PLEKHS1: variants seen among roughly 807,000 people sequenced by gnomAD.
PLEKHS1 encodes pleckstrin homology domain-containing family S member 1.
PLEKHS1 carries 55 observed loss-of-function variants against 51.0 expected under a neutral mutation model. The ratio of observed to expected loss-of-function variants is 1.08; its 90% CI spans 0.87 to 1.35. The LOEUF (loss-of-function observed/expected upper bound fraction) is 1.35, where lower values mean the gene tolerates loss of function less well. Ranked by LOEUF, PLEKHS1 falls within the 40% of genes most tolerant of loss-of-function variation. The pLI is 0.00. For missense variants in PLEKHS1, 398 were observed against 423.0 expected (o/e 0.94, Z 0.52); for synonymous variants, 153 against 144.8 (o/e 1.06, Z -0.41).
intron 2 of PLEKHS1, among the ~76,000 whole-genome samples, chr10:113,763,401 G>A (rs977416974): frequency 2.0e-5 from 3 of 151,994 alleles, no homozygotes; most frequent in African/African-American, 4.8e-5. Context: ...GGTCATCTCT[G>A]TTTTTTAATT....
In PLEKHS1 at chr10:113,759,246, A is replaced by C. The variant is rs139313694; in HGVS notation, c.28+3941A>C. Among the ~76,000 whole-genome samples the C allele has an allele frequency of 5.1e-3, 780 of 152,296 alleles. 2 individuals carry two copies. Among genetic ancestry groups the C allele is most frequent in the African/African-American group, 0.018 (750 of 41,566 alleles). Reference sequence around the variant, plus strand: ...TGGTGAAGCCCCATCTCTACTAAAAATACAAATATTAGCCAGGTGTGATGG... The same window carrying C: ...TGGTGAAGCCCCATCTCTACTAAAACTACAAATATTAGCCAGGTGTGATGG... On this transcript the variant is annotated intron_variant, in intron 2 of 11. Transcript: ENST00000361048.
At chr10:113,752,513 G>A (rs1026543937) in intron 1 of PLEKHS1, among the ~76,000 whole-genome samples, 2 of 152,130 alleles carry the variant, frequency 1.3e-5, no homozygotes, top group African/African-American at 4.8e-5. Context: ...ATGTACTGAG[G>A]AGTGCTCATC....
chr10:113,775,731 C>A (rs1444286223), intron 10 of PLEKHS1, 34 bp from the exon 11 acceptor site: 20 of 1,503,454 alleles, frequency 1.3e-5, no homozygotes, highest in Non-Finnish European at 1.7e-5. Flanking sequence ...AGGTCAGTTG[C>A]CTGATGTGAC....
At chr10:113,756,913 C>CTT (rs397845343) in intron 2 of PLEKHS1, among the ~76,000 whole-genome samples, 2,038 of 109,812 alleles carry the variant, frequency 0.019, 87 homozygotes, top group African/African-American at 0.05. Context: ...TTAGATTGGT[C>CTT]TTTTTTTTTT....
intron 2 of PLEKHS1, among the ~76,000 whole-genome samples, chr10:113,755,708 G>A (rs1854078920): frequency 6.6e-6 from 1 of 152,174 alleles, no homozygotes; most frequent in South Asian, 2.1e-4. Context: ...TACAGCCCCA[G>A]AACCCAGGTG....
chr10:113,777,545 G>A lies in PLEKHS1; in HGVS notation c.1091+1679G>A. On this transcript the variant is annotated intron_variant, in intron 11 of 11. Coordinates refer to ENST00000361048, the Ensembl canonical transcript of PLEKHS1. ...TTGCATGGAATCAGACTGGTGCAGG[G>A]ATTCCAAAACAGCTCCTTCAACCAA... is the stretch of plus-strand genomic sequence containing the variant. 3 of 1,552,076 alleles carry A rather than the reference G, an allele frequency of 1.9e-6. No individual in the cohort carries two copies. The South Asian group carries it at 3.6e-5, about 18-fold the overall frequency.
exon 9 of PLEKHS1, chr10:113,774,284 G>A (rs1593039669): frequency 6.3e-7 from 1 of 1,594,704 alleles, no homozygotes; most frequent in Admixed American, 1.9e-5. Flanking sequence ...TGATGGTCCA[G>A]ACCAGGTCTC....
At chr10:113,764,261 C>T (rs377685343) in intron 2 of PLEKHS1, among the ~76,000 whole-genome samples, 12 of 152,094 alleles carry the variant, frequency 7.9e-5, no homozygotes, top group Admixed American at 1.3e-4. Flanking sequence ...CCACCATGCC[C>T]GGCTAATTTT....
intron 2 of PLEKHS1, among the ~76,000 whole-genome samples, chr10:113,762,677 T>C (rs1843994927): frequency 6.6e-6 from 1 of 151,988 alleles, no homozygotes; most frequent in Non-Finnish European, 1.5e-5. Context: ...GAAAACATGA[T>C]TTATATGATT....
chr10:113,755,245 C>G lies in PLEKHS1; in HGVS notation c.-19-14C>G. On this transcript the variant is annotated splice_polypyrimidine_tract_variant and intron_variant, in intron 1 of 11. Coordinates refer to ENST00000361048, the Ensembl canonical transcript of PLEKHS1. ...TGTTGTTTGGGGACTAACACTAACC[C>G]TTCCTTTTGACAGGGGAGGACACAC... 6.2e-7 allele frequency: 1 copy of G among 1,602,838 alleles called. No homozygotes were observed. The highest frequency in any genetic ancestry group is 8.5e-7 in the Non-Finnish European group (1 of 1,175,446).
chr10:113,777,027 TG>T, intron 11 of PLEKHS1, 96 bp from the exon 12 acceptor site: 1 of 1,376,918 alleles, frequency 7.3e-7, no homozygotes, highest in Non-Finnish European at 1.0e-6. Context: ...ACTTCAGAGG[TG>T]GTGCCACGTG....
chr10:113,760,159 A>G (rs1362745323), intron 2 of PLEKHS1, among the ~76,000 whole-genome samples: 2 of 152,196 alleles, frequency 1.3e-5, no homozygotes, highest in Non-Finnish European at 2.9e-5. Context: ...AATTATCTTG[A>G]GATTTACCCA....
At chr10:113,779,453 C>A (rs1353176805) in intron 11 of PLEKHS1, among the ~76,000 whole-genome samples, 1 of 152,000 alleles carries the variant, frequency 6.6e-6, no homozygotes, top group Non-Finnish European at 1.5e-5. Flanking sequence ...GCCTGTTATC[C>A]CAGCTACTGG....
intron 2 of PLEKHS1, among the ~76,000 whole-genome samples, chr10:113,762,007 T>A (rs907377041): frequency 1.3e-5 from 2 of 152,106 alleles, no homozygotes; most frequent in African/African-American, 4.8e-5. Context: ...TATAGGAGGC[T>A]ATTCAGGTTA....
intron 5 of PLEKHS1, 87 bp from the exon 6 acceptor site, chr10:113,768,728 A>ATTCTAACAT: frequency 9.1e-7 from 1 of 1,099,772 alleles, no homozygotes; most frequent in Non-Finnish European, 1.3e-6. Context: ...TCTCACCACC[A>ATTCTAACAT]TTCTAACATT....
At chr10:113,755,482 G>A in intron 2 of PLEKHS1, 177 bp downstream of exon 2, 1 of 1,222,046 alleles carries the variant, frequency 8.2e-7, no homozygotes, top group Admixed American at 4.0e-5. Flanking sequence ...CACGATCTAA[G>A]CTCACTGCAA....
chr10:113,779,430 C>A (rs1203599516), intron 11 of PLEKHS1, among the ~76,000 whole-genome samples: 1 of 152,040 alleles, frequency 6.6e-6, no homozygotes, highest in Admixed American at 6.5e-5. Context: ...ATTAGCTGGG[C>A]ATGGTGGCGG....
At chr10:113,777,522 G>C (rs1844728937) in intron 11 of PLEKHS1, 1 of 1,557,756 alleles carries the variant, frequency 6.4e-7, no homozygotes, top group Non-Finnish European at 8.7e-7. Context: ...AAAAGAGCTT[G>C]CATGGAATCA....
chr10:113,753,319 A>G (rs146295221), intron 1 of PLEKHS1, among the ~76,000 whole-genome samples: 1 of 152,328 alleles, frequency 6.6e-6, no homozygotes, highest in East Asian at 1.9e-4. Context: ...GAAACTGGAA[A>G]GAACCTCATG....
Sources: allele counts gnomAD v4.1 joint callset (sites outside exome capture counted in the v4.1 genomes callset), GRCh38; gene constraint gnomAD v4.1.1; transcripts MANE v1.5; gene names NCBI Gene and HGNC (gene_info 2026-07-23, HGNC 2026-07-21).